Variants in CDC42BPA observed in about 807,000 individuals in gnomAD.
The protein encoded by CDC42BPA is CDC42 binding protein kinase alpha, also known as serine/threonine-protein kinase MRCK alpha.
Under a neutral mutation model 223.5 loss-of-function variants are expected in CDC42BPA, and 80 were observed. The ratio of observed to expected loss-of-function variants is 0.36; its 90% CI spans 0.30 to 0.43. The LOEUF (loss-of-function observed/expected upper bound fraction) is 0.43. CDC42BPA is among the 20% of genes least tolerant of loss of function. CDC42BPA has a pLI of 1.00. For synonymous variants in CDC42BPA, 694 were observed against 718.6 expected (o/e 0.97, Z 0.55); for missense variants, 1,743 against 2,099.9 (o/e 0.83, Z 3.32).
At chr1:227,127,563 C>G (rs1450192010) in intron 11 of CDC42BPA, among the ~76,000 whole-genome samples, 1 of 152,170 alleles carries the variant, frequency 6.6e-6, no homozygotes, top group Non-Finnish European at 1.5e-5. Context: ...GTCTTCTGTT[C>G]TACTGCTTTT....
At position 226,999,541 on chromosome 1, in the gene CDC42BPA, C is replaced by T. The variant is rs558556685; in HGVS notation, c.4976-4561G>A. Among the ~76,000 whole-genome samples, 9 of 152,212 alleles carry T rather than the reference C, an allele frequency of 5.9e-5. No individual in the cohort carries two copies. The East Asian group carries it at 1.4e-3, about 23-fold the overall frequency. ...TCAACCATTGTGGAAGACAGTGTGG[C>T]GATTCCTCAAGGATCTAGAACCAGA... On this transcript the variant is annotated intron_variant, in intron 35 of 36. Coordinates refer to ENST00000366766, the MANE Select transcript of CDC42BPA (RefSeq NM_001394014.1).
chr1:227,063,661 T>A (rs1374597848), intron 21 of CDC42BPA, among the ~76,000 whole-genome samples: 2 of 152,124 alleles, frequency 1.3e-5, no homozygotes, highest in Non-Finnish European at 2.9e-5. Context: ...ATAGAAATTG[T>A]AAAAACAAGA....
At chr1:227,117,735 A>AT (rs150784382) in intron 12 of CDC42BPA, among the ~76,000 whole-genome samples, 23,259 of 152,106 alleles carry the variant, frequency 0.15, 2,152 homozygotes, top group African/African-American at 0.24. Context: ...AAAATCTCAG[A>AT]TTTTTTATAC....
chr1:227,072,616 T>C (rs1334789662), intron 19 of CDC42BPA, among the ~76,000 whole-genome samples: 3 of 151,960 alleles, frequency 2.0e-5, no homozygotes, highest in African/African-American at 4.8e-5. Context: ...CAGAAAACAT[T>C]TGTGGACCCT....
chr1:227,302,673 A>C (rs77783161), intron 1 of CDC42BPA, among the ~76,000 whole-genome samples: 9,104 of 152,160 alleles, frequency 0.06, 277 homozygotes, highest in Non-Finnish European at 0.073. Flanking sequence ...TTGGTTCTAC[A>C]ACATTTTCTT....
chr1:227,292,428 T>C (rs1037137124), intron 1 of CDC42BPA, among the ~76,000 whole-genome samples: 1 of 152,196 alleles, frequency 6.6e-6, no homozygotes, highest in Non-Finnish European at 1.5e-5. Context: ...AGATAAAAGA[T>C]AGGTATCATA....
intron 1 of CDC42BPA, among the ~76,000 whole-genome samples, chr1:227,290,711 A>G (rs1689552456): frequency 6.6e-6 from 1 of 152,334 alleles, no homozygotes; most frequent in Non-Finnish European, 1.5e-5. Context: ...GACTATTTAT[A>G]ATTTTAAAAT....
chr1:227,207,014 T>C (rs12723781), intron 3 of CDC42BPA, among the ~76,000 whole-genome samples: 5 of 150,106 alleles, frequency 3.3e-5, no homozygotes, highest in South Asian at 2.2e-4. Flanking sequence ...ATGTGCCATG[T>C]TGGTGTGCTG....
chr1:227,200,694 G>A (rs1422404356), intron 3 of CDC42BPA, among the ~76,000 whole-genome samples: 1 of 152,040 alleles, frequency 6.6e-6, no homozygotes, highest in Non-Finnish European at 1.5e-5. Context: ...TTGTACAAAT[G>A]TGCAAGAGTT....
chr1:227,015,779 T>C (rs1005806193), intron 34 of CDC42BPA, among the ~76,000 whole-genome samples: 17 of 152,220 alleles, frequency 1.1e-4, no homozygotes, highest in African/African-American at 2.9e-4. Context: ...AAATGTGGTA[T>C]AGAACCTCTC....
chr1:227,281,695 T>C (rs1416772046), intron 1 of CDC42BPA, among the ~76,000 whole-genome samples: 1 of 152,048 alleles, frequency 6.6e-6, no homozygotes, highest in East Asian at 1.9e-4. Flanking sequence ...AGTTAGAGCT[T>C]TTGCAAGTGC....
intron 1 of CDC42BPA, among the ~76,000 whole-genome samples, chr1:227,303,052 T>G (rs932070192): frequency 2.0e-5 from 3 of 151,938 alleles, no homozygotes; most frequent in Non-Finnish European, 4.4e-5. Flanking sequence ...AAAGTATGTT[T>G]CATGTGGGTT....
At chr1:227,244,416 T>C (rs868164397) in intron 2 of CDC42BPA, among the ~76,000 whole-genome samples, 1 of 147,858 alleles carries the variant, frequency 6.8e-6, no homozygotes, top group South Asian at 2.1e-4. Flanking sequence ...TCCATTAACA[T>C]AAAACTCAAA....
At chr1:227,021,172 A>G (rs1488345363) in intron 32 of CDC42BPA, among the ~76,000 whole-genome samples, 1 of 152,214 alleles carries the variant, frequency 6.6e-6, no homozygotes, top group Non-Finnish European at 1.5e-5. Context: ...GAAATATTGC[A>G]AGAATTACCA....
intron 20 of CDC42BPA, among the ~76,000 whole-genome samples, chr1:227,071,987 A>G (rs988903163): frequency 6.6e-6 from 1 of 151,922 alleles, no homozygotes; most frequent in Non-Finnish European, 1.5e-5. Context: ...TGAAATCATT[A>G]AACAATGCAT....
At position 227,189,337 on chromosome 1, in the gene CDC42BPA, T is replaced by C. The variant is rs546083122; in HGVS notation, c.599+4449A>G. On this transcript the variant is annotated intron_variant, in intron 5 of 36. Transcript: ENST00000366766. ...AAGTAAGAGTAAGAAATATTCTCAA[T>C]AGACCTAGACAGAAAAATGTATTTA... Among the ~76,000 whole-genome samples, 50 of 152,266 alleles carry C rather than the reference T, an allele frequency of 3.3e-4. 1 individual carries two copies. The highest frequency in any genetic ancestry group is 2.5e-3 in the Admixed American group (39 of 15,300).
At chr1:227,111,178 T>C (rs750772006) in intron 14 of CDC42BPA, among the ~76,000 whole-genome samples, 1 of 152,164 alleles carries the variant, frequency 6.6e-6, no homozygotes, top group Non-Finnish European at 1.5e-5. Context: ...TATGGATAAT[T>C]AGACACTAGA....
At position 227,138,524 on chromosome 1, in the gene CDC42BPA, C is replaced by CAAAAAAAAAAAAAA. The variant is rs61617075; in HGVS notation, c.1390+1051_1390+1052insTTTTTTTTTTTTTT. On this transcript the variant is annotated intron_variant, in intron 10 of 36. Coordinates refer to ENST00000366766, the MANE Select transcript of CDC42BPA (RefSeq NM_001394014.1). ...CCAGGAGATAAAGTGCCCCAGAAGC[C>CAAAAAAAAAAAAAA]AAAAAAAAAAAAAGAGAGCGTTATC... 6.2e-5 allele frequency among the ~76,000 whole-genome samples: 6 copies of CAAAAAAAAAAAAAA among 96,158 alleles called. 2 individuals are homozygous for CAAAAAAAAAAAAAA. Among genetic ancestry groups the CAAAAAAAAAAAAAA allele is most frequent in the African/African-American group, 4.0e-5 (1 of 24,848 alleles). 63.1% of individuals were successfully genotyped at this position (96,158 alleles called of 152,430 possible).
At chr1:227,098,923 C>CT (rs1684484812) in intron 15 of CDC42BPA, among the ~76,000 whole-genome samples, 1 of 151,894 alleles carries the variant, frequency 6.6e-6, no homozygotes, top group Non-Finnish European at 1.5e-5. Flanking sequence ...CAACTATGGA[C>CT]TGCCATTAGT....
Sources: allele counts gnomAD v4.1 joint callset (sites outside exome capture counted in the v4.1 genomes callset), GRCh38; gene constraint gnomAD v4.1.1; transcripts MANE v1.5; gene names NCBI Gene and HGNC (gene_info 2026-07-23, HGNC 2026-07-21).